RIGI: variants seen among roughly 807,000 people sequenced by gnomAD.
RIGI encodes antiviral innate immune response receptor RIG-I.
the RIGI span, chr9:32,457,159 T>G: frequency 6.2e-7 from 1 of 1,613,970 alleles, no homozygotes; most frequent in Non-Finnish European, 8.5e-7. Flanking sequence ...TGGTATCTTC[T>G]CAAAATGAAA....
chr9:32,483,162 C>T, the RIGI span, among the ~76,000 whole-genome samples: 1 of 152,044 alleles, frequency 6.6e-6, no homozygotes, highest in East Asian at 1.9e-4. Flanking sequence ...TATCAGTTCG[C>T]CAGGGCTCCT....
the RIGI span, among the ~76,000 whole-genome samples, chr9:32,473,286 C>CTTTTTTTT: frequency 8.2e-6 from 1 of 122,574 alleles, no homozygotes; most frequent in African/African-American, 3.1e-5. Context: ...ATCTCTAAGA[C>CTTTTTTTT]TTTTTTTTTT....
At chr9:32,518,191 G>A in the RIGI span, among the ~76,000 whole-genome samples, 1 of 152,080 alleles carries the variant, frequency 6.6e-6, no homozygotes, top group East Asian at 1.9e-4. Context: ...GTTATCTAAA[G>A]TTTATTAATA....
At chr9:32,501,346 A>AAT in the RIGI span, among the ~76,000 whole-genome samples, 1 of 76,132 alleles carries the variant, frequency 1.3e-5, no homozygotes, top group Non-Finnish European at 3.4e-5. Context: ...AAAAAAAAAA[A>AAT]TTTTTTTAAT....
chr9:32,502,812 A>G, the RIGI span, among the ~76,000 whole-genome samples: 2 of 152,024 alleles, frequency 1.3e-5, no homozygotes, highest in Non-Finnish European at 2.9e-5. Context: ...ATCTCTGCCT[A>G]TGTTTTCACA....
chr9:32,492,186 C>T, the RIGI span, among the ~76,000 whole-genome samples: 6 of 152,234 alleles, frequency 3.9e-5, no homozygotes, highest in South Asian at 1.2e-3. Context: ...TGGTTTTCCC[C>T]AGTCCATTTT....
At chr9:32,499,750 C>A in the RIGI span, among the ~76,000 whole-genome samples, 1 of 151,782 alleles carries the variant, frequency 6.6e-6, no homozygotes, top group African/African-American at 2.4e-5. Context: ...GCCACCACAC[C>A]CGGCCCAGGG....
the RIGI span, chr9:32,459,535 G>A: frequency 4.7e-5 from 75 of 1,598,298 alleles, no homozygotes; most frequent in African/African-American, 2.4e-4. Context: ...AAGAAAGACC[G>A]CAAATGTAAT....
chr9:32,457,153 A>G, the RIGI span: 897 of 1,613,856 alleles, frequency 5.6e-4, 2 homozygotes, highest in African/African-American at 0.011. Context: ...ATCAAATGGT[A>G]TCTTCTCAAA....
chr9:32,493,748 T>C, the RIGI span: 2 of 1,499,938 alleles, frequency 1.3e-6, no homozygotes, highest in Admixed American at 2.1e-5. Flanking sequence ...TTTAGTATTT[T>C]ATATTAACTT....
chr9:32,501,328 A>C, the RIGI span, among the ~76,000 whole-genome samples: 1 of 71,146 alleles, frequency 1.4e-5, no homozygotes, highest in South Asian at 4.2e-4. Flanking sequence ...GCCTCTACAA[A>C]AAAAAAAAAA....
the RIGI span, among the ~76,000 whole-genome samples, chr9:32,490,853 C>T: frequency 1.3e-5 from 2 of 152,202 alleles, no homozygotes; most frequent in Non-Finnish European, 2.9e-5. Flanking sequence ...TCAGCCCCTA[C>T]TCAACCTCTC....
At chr9:32,479,781 G>A in the RIGI span, among the ~76,000 whole-genome samples, 2 of 150,020 alleles carry the variant, frequency 1.3e-5, no homozygotes, top group Non-Finnish European at 2.9e-5. Flanking sequence ...AGGTTGCAGT[G>A]AGCCATGATT....
At chr9:32,510,775 TAAA>T in the RIGI span, among the ~76,000 whole-genome samples, 1 of 152,094 alleles carries the variant, frequency 6.6e-6, no homozygotes, top group African/African-American at 2.4e-5. Context: ...ATGCCCCAAT[TAAA>T]AGACACAGAC....
At chr9:32,505,879 A>G in the RIGI span, among the ~76,000 whole-genome samples, 1 of 152,204 alleles carries the variant, frequency 6.6e-6, no homozygotes, top group Non-Finnish European at 1.5e-5. Flanking sequence ...TTTCCCTGGA[A>G]TAAGTTCTCA....
chr9:32,513,586 A>G, the RIGI span, among the ~76,000 whole-genome samples: 1 of 152,240 alleles, frequency 6.6e-6, no homozygotes, highest in Non-Finnish European at 1.5e-5. Flanking sequence ...CTCAAGATGG[A>G]TTAAAGACTT....
At chr9:32,490,872 G>A in the RIGI span, among the ~76,000 whole-genome samples, 7 of 152,144 alleles carry the variant, frequency 4.6e-5, no homozygotes, top group African/African-American at 1.7e-4. Context: ...TCAGCCAGGC[G>A]CATTTGGGTA....
At chr9:32,506,888 A>G in the RIGI span, among the ~76,000 whole-genome samples, 2 of 152,190 alleles carry the variant, frequency 1.3e-5, no homozygotes, top group South Asian at 4.1e-4. Flanking sequence ...ATACCAATAA[A>G]TCCATTTAGG....
the RIGI span, among the ~76,000 whole-genome samples, chr9:32,521,209 T>C: frequency 0.097 from 14,577 of 149,778 alleles, 933 homozygotes; most frequent in Middle Eastern, 0.28. Context: ...AAATTCGGCT[T>C]ATAAGGTTTT....
Sources: gnomAD v4.1 joint callset for allele counts (sites outside exome capture counted in the v4.1 genomes callset) on GRCh38, gnomAD v4.1.1 for gene constraint, MANE v1.5 for transcripts, NCBI Gene and HGNC (gene_info 2026-07-23, HGNC 2026-07-21) for gene names.